Variants in MTHFD1L observed in about 807,000 individuals in gnomAD.
MTHFD1L encodes methylenetetrahydrofolate dehydrogenase (NADP+ dependent) 1 like, also known as monofunctional C1-tetrahydrofolate synthase, mitochondrial.
MTHFD1L carries 81 observed loss-of-function variants against 119.5 expected under a neutral mutation model. The ratio of observed to expected loss-of-function variants is 0.68; its 90% CI spans 0.57 to 0.82. The LOEUF is 0.82. MTHFD1L is among the 40% of genes least tolerant of loss of function. MTHFD1L has a pLI of 0.00. For missense variants in MTHFD1L, 1,125 were observed against 1,253.4 expected, an observed-to-expected ratio of 0.90 and a Z score of 1.55; for synonymous variants, 430 against 475.2, an observed-to-expected ratio of 0.90 and a Z score of 1.24.
At chr6:150,869,557 A>G (rs898465594) in intron 1 of MTHFD1L, among the ~76,000 whole-genome samples, 1 of 152,066 alleles carries the variant, frequency 6.6e-6, no homozygotes, top group Non-Finnish European at 1.5e-5. Flanking sequence ...AAGTCTCACT[A>G]TGTTGGCCAG....
intron 11 of MTHFD1L, among the ~76,000 whole-genome samples, chr6:150,933,343 T>C (rs973943821): frequency 6.6e-5 from 10 of 152,260 alleles, no homozygotes; most frequent in African/African-American, 2.2e-4. Flanking sequence ...GACACCATAT[T>C]TGATGCCACA....
At position 150,866,022 on chromosome 6, in the gene MTHFD1L, C is replaced by A. The variant is rs1312105637; in HGVS notation, c.200C>A (p.Thr67Lys). ...ARSSCSPGGRTPAARDSIVRE... is the reference protein window; with the variant it reads ...ARSSCSPGGRKPAARDSIVRE... ...AGCAGCTGCAGCCCCGGCGGCCGAA[C>A]GCCCGCGGCGCGGGACTCCATCGTC... is the stretch of plus-strand genomic sequence containing the variant. The change falls in exon 1 of 28, where the codon ACG becomes AAG. Residue 67 changes from threonine (T) to lysine (K), a missense_variant. Thr to Lys is a moderately conservative substitution (Grantham distance 78). Coordinates refer to ENST00000367321, the MANE Select transcript of MTHFD1L (RefSeq NM_015440.5). The A allele has an allele frequency of 1.3e-5, 18 of 1,401,478 alleles. No individual in the cohort carries two copies. In the African/African-American group the frequency reaches 1.8e-4, roughly 14 times the overall value. The allele number at this position is 1,401,478 out of a possible 1,614,324, so 86.8% of individuals were successfully genotyped here. A position where few individuals can be genotyped will look rare whatever the true frequency, so the allele number is the denominator to read the frequency against.
chr6:151,053,896 A>G (rs1435573436), intron 26 of MTHFD1L, among the ~76,000 whole-genome samples: 2 of 151,900 alleles, frequency 1.3e-5, no homozygotes, highest in Admixed American at 1.3e-4. Context: ...TTGCACAGAT[A>G]GCTGTACAGT....
At chr6:150,981,614 G>GTC (rs1201482183) in intron 20 of MTHFD1L, among the ~76,000 whole-genome samples, 2 of 152,198 alleles carry the variant, frequency 1.3e-5, no homozygotes, top group Non-Finnish European at 2.9e-5. Flanking sequence ...GGGTCACAGA[G>GTC]TCTCTGTCCC....
intron 7 of MTHFD1L, among the ~76,000 whole-genome samples, chr6:150,897,486 T>G (rs1412752312): frequency 6.6e-6 from 1 of 152,238 alleles, no homozygotes; most frequent in Non-Finnish European, 1.5e-5. Flanking sequence ...ATTGACTTGC[T>G]TTCCGATTTT....
intron 22 of MTHFD1L, among the ~76,000 whole-genome samples, chr6:151,014,386 C>T (rs1782707788): frequency 6.6e-6 from 1 of 152,208 alleles, no homozygotes; most frequent in South Asian, 2.1e-4. Flanking sequence ...AGGTCAGAAA[C>T]AAATATGAAG....
chr6:150,959,381 A>G (rs555014571), intron 17 of MTHFD1L, among the ~76,000 whole-genome samples: 1 of 152,294 alleles, frequency 6.6e-6, no homozygotes, highest in Admixed American at 6.5e-5. Context: ...GGGCGTAATG[A>G]AGTGGTTCTG....
At position 150,945,505 on chromosome 6, in the gene MTHFD1L, CAG is replaced by C. The variant is rs1468466900; in HGVS notation, c.1591_1592del (p.Glu531IlefsTer16). ...NRLVPLVNGVREFSEIQLARL... is the reference protein window; with the variant it reads ...NRLVPLVNGVXEFSEIQLARL... ...GGCTGGTTCCTTTAGTGAATGGTGT[CAG>C]AGAATTTTCAGAAATTCAGCTTGCT... is the stretch of plus-strand genomic sequence containing the variant. On this transcript the variant is annotated frameshift_variant, in exon 15 of 28. Transcript: ENST00000367321. LOFTEE classifies it high-confidence loss of function. 1 of 1,613,842 alleles carries C rather than the reference CAG, an allele frequency of 6.2e-7. No homozygotes were observed. Among genetic ancestry groups the C allele is most frequent in the Non-Finnish European group, 8.5e-7 (1 of 1,179,940 alleles).
At chr6:150,875,534 T>C (rs2073069) in intron 1 of MTHFD1L, among the ~76,000 whole-genome samples, 10,359 of 152,102 alleles carry the variant, frequency 0.068, 548 homozygotes, top group East Asian at 0.22. Flanking sequence ...AAAGTGGGTC[T>C]CCAGTGTTTC....
At chr6:151,053,891 C>T (rs1307430216) in intron 26 of MTHFD1L, among the ~76,000 whole-genome samples, 1 of 151,334 alleles carries the variant, frequency 6.6e-6, no homozygotes, top group Non-Finnish European at 1.5e-5. Context: ...TATCATTGCA[C>T]AGATAGCTGT....
chr6:150,996,987 G>A (rs916466556), intron 20 of MTHFD1L, among the ~76,000 whole-genome samples: 5 of 152,126 alleles, frequency 3.3e-5, no homozygotes, highest in Non-Finnish European at 4.4e-5. Flanking sequence ...AACACTGACC[G>A]AATCCCAGAC....
intron 20 of MTHFD1L, among the ~76,000 whole-genome samples, chr6:150,984,503 A>T (rs1362680682): frequency 6.6e-6 from 1 of 151,736 alleles, no homozygotes; most frequent in Non-Finnish European, 1.5e-5. Flanking sequence ...TGCACTGGGA[A>T]TAGTAAGCTG....
At chr6:151,028,274 A>G (rs760058690) in intron 24 of MTHFD1L, among the ~76,000 whole-genome samples, 7 of 152,096 alleles carry the variant, frequency 4.6e-5, no homozygotes, top group Non-Finnish European at 8.8e-5. Flanking sequence ...ACTTTCCAAT[A>G]AACATTGGAA....
intron 26 of MTHFD1L, among the ~76,000 whole-genome samples, chr6:151,085,007 A>G (rs868664799): frequency 7.8e-6 from 1 of 128,620 alleles, no homozygotes; most frequent in East Asian, 2.0e-4. Flanking sequence ...ATATATATGT[A>G]TATATTTATA....
intron 20 of MTHFD1L, among the ~76,000 whole-genome samples, chr6:151,007,166 T>G (rs183352171): frequency 7.8e-4 from 118 of 151,876 alleles, no homozygotes; most frequent in Admixed American, 1.4e-3. Flanking sequence ...ACTCCACATT[T>G]CTCTGCTTGG....
At chr6:151,067,655 G>A (rs922989091) in intron 26 of MTHFD1L, among the ~76,000 whole-genome samples, 19 of 152,206 alleles carry the variant, frequency 1.2e-4, no homozygotes, top group African/African-American at 3.9e-4. Flanking sequence ...TTTGTGTTAC[G>A]TTCATGAGTA....
chr6:151,022,086 A>T (rs888971526), intron 24 of MTHFD1L: 5 of 470,916 alleles, frequency 1.1e-5, no homozygotes, highest in Non-Finnish European at 2.2e-5. Context: ...AACCACGAAG[A>T]CAGCCTGGAG....
intron 4 of MTHFD1L, among the ~76,000 whole-genome samples, chr6:150,879,605 A>G (rs1583336984): frequency 7.0e-6 from 1 of 141,978 alleles, no homozygotes; most frequent in African/African-American, 2.6e-5. Context: ...GCTTTTCTTT[A>G]GGTTGTTTTG....
At chr6:151,023,813 A>G (rs1457034493) in intron 24 of MTHFD1L, among the ~76,000 whole-genome samples, 1 of 152,212 alleles carries the variant, frequency 6.6e-6, no homozygotes, top group Non-Finnish European at 1.5e-5. Context: ...TGAACTATCA[A>G]AGTCACACTA....
Sources: gnomAD v4.1 joint callset for allele counts (sites outside exome capture counted in the v4.1 genomes callset) on GRCh38, gnomAD v4.1.1 for gene constraint, MANE v1.5 for transcripts, NCBI Gene and HGNC (gene_info 2026-07-23, HGNC 2026-07-21) for gene names.